The following ITPRIPL2 variants were observed in gnomAD, a reference collection of about 807,000 sequenced individuals.
ITPRIPL2 encodes the protein ITPRIP like 2, also known as inositol 1,4,5-trisphosphate receptor-interacting protein-like 2.
A neutral mutation model predicts 31.7 loss-of-function variants in ITPRIPL2; 29 were observed. The observed-to-expected ratio is 0.91, with a 90% confidence interval of 0.68 to 1.25. The LOEUF is 1.25. ITPRIPL2 is among the 50% of genes most tolerant of loss of function. The probability of loss-of-function intolerance (pLI) is 0.00; values close to 1 mark genes in which losing one functional copy is unlikely to be tolerated. For missense variants in ITPRIPL2, 696 were observed against 739.1 expected (o/e 0.94, Z 0.68); for synonymous variants, 344 against 343.4 (o/e 1.00, Z -0.02).
In ITPRIPL2 at chr16:19,115,608, CGCG is replaced by C. The variant is rs1432332984; in HGVS notation, c.1148_1150del (p.Arg383_Asp384delinsHis). 1.2e-6 allele frequency: 2 copies of C among 1,607,672 alleles called. No homozygotes were observed. Among genetic ancestry groups the C allele is most frequent in the Non-Finnish European group, 1.7e-6 (2 of 1,178,994 alleles). On this transcript the variant is annotated inframe_deletion, in exon 1 of 1. Transcript: ENST00000381440. Reference sequence around the variant, plus strand: ...GTGCCTGCAGTTGCTTAAGGCTCTGCGCGATCTGGGGGCCCGTGGGCTGGACTC... The same window carrying C: ...GTGCCTGCAGTTGCTTAAGGCTCTGCATCTGGGGGCCCGTGGGCTGGACTC...
At position 19,114,772 on chromosome 16, in the gene ITPRIPL2, A is replaced by C; in HGVS notation, c.311A>C (p.Tyr104Ser). 6.2e-7 allele frequency: 1 copy of C among 1,612,384 alleles called. No individual in the cohort carries two copies. The highest frequency in any genetic ancestry group is 1.1e-5 in the South Asian group (1 of 91,026). Residue 104 changes from tyrosine (Y) to serine (S), a missense_variant, in exon 1 of 1, where the codon TAC becomes TCC. Tyr to Ser is a moderately radical substitution (Grantham distance 144, BLOSUM62 -2). Transcript: ENST00000381440. ...GGCCTCAGCATCCTGCTGGAGAGTT[A>C]CTACGAGCATGAGGTGCGCCTGTCT... ...EPGLSILLESYYEHEVRLSPH... is the reference protein window; with the variant it reads ...EPGLSILLESSYEHEVRLSPH...
rs1963444165 is a variant in ITPRIPL2 at position 19,116,286 on chromosome 16, A to G, written c.*217A>G. On this transcript the variant is annotated 3_prime_UTR_variant, in exon 1 of 1. Coordinates refer to ENST00000381440, the MANE Select transcript of ITPRIPL2 (RefSeq NM_001034841.4). The stretch of plus-strand genomic sequence containing the variant: ...CCCACTAGAGTGTCCTGGGCAAACC[A>G]TGGGAAGACATCCAACAGGAGACCC... The G allele has an allele frequency of 2.0e-6, 1 of 511,770 alleles. No homozygotes were observed. Among genetic ancestry groups the G allele is most frequent in the Non-Finnish European group, 3.5e-6 (1 of 284,332 alleles). 31.7% of individuals were successfully genotyped at this position (511,770 alleles called of 1,614,324 possible). A position where few individuals can be genotyped will look rare whatever the true frequency, so the allele number is the denominator to read the frequency against.
rs781314842 is a variant in ITPRIPL2, at chr16:19,115,022, G to T, written c.561G>T (p.Ala187=). The part of the protein sequence containing the change: ...LVPLRLPPLV[A]LEPRSLGEEP... ...CACTGCGCCTCCCGCCGCTTGTGGCGCTGGAGCCACGGAGCCTGGGCGAGG... is the reference window on the plus strand; with the variant it reads ...CACTGCGCCTCCCGCCGCTTGTGGCTCTGGAGCCACGGAGCCTGGGCGAGG... Residue 187 remains alanine (A), a synonymous_variant, in exon 1 of 1, where the codon GCG becomes GCT. Transcript: ENST00000381440. The T allele has an allele frequency of 2.5e-6, 4 of 1,598,350 alleles. No individual in the cohort carries two copies. In the South Asian group the frequency reaches 3.3e-5, roughly 13 times the overall value.
rs1329129905 is a variant in ITPRIPL2, at chr16:19,120,619, ATATATATTTTTT to A, written c.*4552_*4563del. On this transcript the variant is annotated 3_prime_UTR_variant, in exon 1 of 1. Transcript: ENST00000381440. ...GCCTGGCTAATATATATATATATAT[ATATATATTTTTT>A]TTTTTTTTTTTTAGTAGAGATGGGG... 2.5e-4 allele frequency: 29 copies of A among 115,526 alleles called. No homozygotes were observed. Among genetic ancestry groups the A allele is most frequent in the African/African-American group, 1.1e-3 (28 of 24,692 alleles). 7.2% of individuals were successfully genotyped at this position (115,526 alleles called of 1,614,324 possible).
In ITPRIPL2 at chr16:19,114,736, T is replaced by C. The variant is rs1394301982; in HGVS notation, c.275T>C (p.Phe92Ser). 2 of 1,612,740 alleles carry C rather than the reference T, an allele frequency of 1.2e-6. No individual in the cohort carries two copies. Among genetic ancestry groups the C allele is most frequent in the Non-Finnish European group, 1.7e-6 (2 of 1,179,890 alleles). The change falls in exon 1 of 1, where the codon TTC becomes TCC. Residue 92 changes from phenylalanine to serine, a missense_variant. Physicochemically the swap from Phe to Ser is radical, Grantham distance 155. Coordinates refer to ENST00000381440, the MANE Select transcript of ITPRIPL2 (RefSeq NM_001034841.4). ...EGHAAFSSRHFREPGLSILLE... is the reference protein window; with the variant it reads ...EGHAAFSSRHSREPGLSILLE... Reference sequence around the variant, plus strand: ...CACGCCGCCTTCTCCTCGAGACACTTCCGAGAGCCGGGCCTCAGCATCCTG... The same window carrying C: ...CACGCCGCCTTCTCCTCGAGACACTCCCGAGAGCCGGGCCTCAGCATCCTG...
At position 19,116,316 on chromosome 16, in the gene ITPRIPL2, A is replaced by G. The variant is rs1204520754; in HGVS notation, c.*247A>G. 1.5e-5 allele frequency: 7 copies of G among 481,572 alleles called. No individual in the cohort carries two copies. Among genetic ancestry groups the G allele is most frequent in the Non-Finnish European group, 2.6e-5 (7 of 265,632 alleles). The allele number at this position is 481,572 out of a possible 1,614,324, so 29.8% of individuals were successfully genotyped here. A position where few individuals can be genotyped will look rare whatever the true frequency, so the allele number is the denominator to read the frequency against. ...AAGACATCCAACAGGAGACCCAAGAATTGGTTCAAATATTGTTCTGTGTAG... is the reference window on the plus strand; with the variant it reads ...AAGACATCCAACAGGAGACCCAAGAGTTGGTTCAAATATTGTTCTGTGTAG... On this transcript the variant is annotated 3_prime_UTR_variant, in exon 1 of 1. Transcript: ENST00000381440.
Position 19,115,577 on chromosome 16 carries a change from C to A in ITPRIPL2, c.1116C>A (p.Tyr372Ter). The A allele has an allele frequency of 6.2e-7, 1 of 1,604,722 alleles. No homozygotes were observed. Among genetic ancestry groups the A allele is most frequent in the Non-Finnish European group, 8.5e-7 (1 of 1,178,786 alleles). ...LQERAAPGAC[Y>*]LKCLQLLKAL... ...AACGGGCAGCTCCAGGTGCCTGCTA[C>A]CTCAAGTGCCTGCAGTTGCTTAAGG... is the stretch of plus-strand genomic sequence containing the variant. The change falls in exon 1 of 1, where the codon TAC (tyrosine) becomes TAA (stop). Residue 372 changes from tyrosine (Y) to a stop codon, truncating the protein, a stop_gained. Transcript: ENST00000381440. LOFTEE classifies it high-confidence loss of function.
Position 19,115,645 on chromosome 16 carries a change from C to G in ITPRIPL2, c.1184C>G (p.Ala395Gly). 2 of 1,610,612 alleles carry G rather than the reference C, an allele frequency of 1.2e-6. No homozygotes were observed. The highest frequency in any genetic ancestry group is 2.2e-5 in the South Asian group (2 of 90,956). The change falls in exon 1 of 1, where the codon GCC becomes GGC. Residue 395 changes from alanine to glycine, a missense_variant. Transcript: ENST00000381440. ...GCCCGTGGGCTGGACTCAGCGGCCG[C>G]CACCCAGTGGGGACGCATCCTATCC... Reference protein sequence around the residue: ...LGARGLDSAAATQWGRILSSY... With the variant: ...LGARGLDSAAGTQWGRILSSY...
Position 19,114,370 on chromosome 16 carries a change from G to T in ITPRIPL2, c.-92G>T, listed in dbSNP as rs1963401565. On this transcript the variant is annotated 5_prime_UTR_variant, in exon 1 of 1. Coordinates refer to ENST00000381440, the MANE Select transcript of ITPRIPL2 (RefSeq NM_001034841.4). ...GCGGAGGAGGAGACGGGGACAGCGG[G>T]GCTGCCCGGGCGCTGTGCGCATGCT... 2.9e-6 allele frequency: 3 copies of T among 1,027,218 alleles called. No individual in the cohort carries two copies. The highest frequency in any genetic ancestry group is 3.8e-6 in the Non-Finnish European group (3 of 794,766). The allele number at this position is 1,027,218 out of a possible 1,614,324, so 63.6% of individuals were successfully genotyped here.
At position 19,119,565 on chromosome 16, in the gene ITPRIPL2, A is replaced by G. The variant is rs1963487550; in HGVS notation, c.*3496A>G. On this transcript the variant is annotated 3_prime_UTR_variant, in exon 1 of 1. Coordinates refer to ENST00000381440, the MANE Select transcript of ITPRIPL2 (RefSeq NM_001034841.4). ...ACCATGTGGGCCAAACATTTGTTTG[A>G]GCCTGGGGGCCACCAGTTTGCGACC... 1 of 167,178 alleles carries G rather than the reference A, an allele frequency of 6.0e-6. No individual in the cohort carries two copies. Among genetic ancestry groups the G allele is most frequent in the Non-Finnish European group, 1.5e-5 (1 of 68,234 alleles). 10.4% of individuals were successfully genotyped at this position (167,178 alleles called of 1,614,324 possible).
At position 19,114,627 on chromosome 16, in the gene ITPRIPL2, C is replaced by G; in HGVS notation, c.166C>G (p.Leu56Val). ...GGFPLLKVAV[L>V]LLLSYVLLRC... ...CTTCCCGTTGCTTAAGGTGGCCGTC[C>G]TGCTCCTCCTCAGCTATGTCCTCCT... is the stretch of plus-strand genomic sequence containing the variant. Residue 56 changes from leucine to valine, a missense_variant, in exon 1 of 1, where the codon CTG becomes GTG. By Grantham distance (32) the Leu-to-Val change is conservative. Transcript: ENST00000381440. 6.3e-7 allele frequency: 1 copy of G among 1,595,670 alleles called. No individual in the cohort carries two copies.
chr16:19,119,406 T>G lies in ITPRIPL2; in HGVS notation c.*3337T>G. On this transcript the variant is annotated 3_prime_UTR_variant, in exon 1 of 1. Transcript: ENST00000381440. ...GGGGTGGGAGGTGGGGGGGAAGCTG[T>G]GCCCACCTTTAAAGAGGGGGCCATT... 2 of 218,510 alleles carry G rather than the reference T, an allele frequency of 9.2e-6. No individual in the cohort carries two copies. Among genetic ancestry groups the G allele is most frequent in the Non-Finnish European group, 9.7e-6 (1 of 103,204 alleles). 13.5% of individuals were successfully genotyped at this position (218,510 alleles called of 1,614,324 possible). A position where few individuals can be genotyped will look rare whatever the true frequency, so the allele number is the denominator to read the frequency against.
chr16:19,116,084 C>G lies in ITPRIPL2; in HGVS notation c.*15C>G, dbSNP rs1334422759. On this transcript the variant is annotated 3_prime_UTR_variant, in exon 1 of 1. Coordinates refer to ENST00000381440, the MANE Select transcript of ITPRIPL2 (RefSeq NM_001034841.4). ...GTGAACCGTAAACCCTGACAGCACC[C>G]CCACCTGACCAAATGCTCCTAAAGC... 2 of 1,547,844 alleles carry G rather than the reference C, an allele frequency of 1.3e-6. No homozygotes were observed. Among genetic ancestry groups the G allele is most frequent in the Non-Finnish European group, 1.7e-6 (2 of 1,144,750 alleles).
At position 19,118,576 on chromosome 16, in the gene ITPRIPL2, TC is replaced by T. The variant is rs1471122572; in HGVS notation, c.*2508del. On this transcript the variant is annotated 3_prime_UTR_variant, in exon 1 of 1. Transcript: ENST00000381440. ...AAGTATAAATCTGGTAACATACTGT[TC>T]TTGTAGTTTTTTGTTAGTTTTGTTT... The T allele has an allele frequency of 1.8e-5, 3 of 170,450 alleles. No homozygotes were observed. Among genetic ancestry groups the T allele is most frequent in the African/African-American group, 7.2e-5 (3 of 41,640 alleles). 10.6% of individuals were successfully genotyped at this position (170,450 alleles called of 1,614,324 possible).
chr16:19,121,248 T>C lies in ITPRIPL2; in HGVS notation c.*5179T>C, dbSNP rs1963517347. ...TTGAAGTATCTACTATTCTGGAATA[T>C]TGTTAAACAACTTTTTGCTTTTGAA... On this transcript the variant is annotated 3_prime_UTR_variant, in exon 1 of 1. Transcript: ENST00000381440. 1 of 167,076 alleles carries C rather than the reference T, an allele frequency of 6.0e-6. No individual in the cohort carries two copies. Among genetic ancestry groups the C allele is most frequent in the African/African-American group, 2.4e-5 (1 of 41,436 alleles). 10.3% of individuals were successfully genotyped at this position (167,076 alleles called of 1,614,324 possible).
In ITPRIPL2 at chr16:19,118,949, G is replaced by GTACT. The variant is rs1262352235; in HGVS notation, c.*2881_*2884dup. 1 of 413,298 alleles carries GTACT rather than the reference G, an allele frequency of 2.4e-6. No homozygotes were observed. Among genetic ancestry groups the GTACT allele is most frequent in the Non-Finnish European group, 4.4e-6 (1 of 226,134 alleles). 25.6% of individuals were successfully genotyped at this position (413,298 alleles called of 1,614,324 possible). ...TGTACACATTTTTGGTGTATGCTTG[G>GTACT]TACTGGAGATTCATATATGCAAATA... is the stretch of plus-strand genomic sequence containing the variant. On this transcript the variant is annotated 3_prime_UTR_variant, in exon 1 of 1. Transcript: ENST00000381440.
rs920941719 is a variant in ITPRIPL2, at chr16:19,121,450, G to T, written c.*5381G>T. The T allele has an allele frequency of 6.0e-6, 1 of 167,018 alleles. No individual in the cohort carries two copies. The highest frequency in any genetic ancestry group is 1.5e-5 in the Non-Finnish European group (1 of 68,100). The allele number at this position is 167,018 out of a possible 1,614,324, so 10.3% of individuals were successfully genotyped here. On this transcript the variant is annotated 3_prime_UTR_variant, in exon 1 of 1. Transcript: ENST00000381440. ...AGAGTTAATCAGATATGGTTCAGCT[G>T]CTACAATTGTATGATTCAAAGGCAA... is the stretch of plus-strand genomic sequence containing the variant.
chr16:19,114,643 A>C lies in ITPRIPL2; in HGVS notation c.182A>C (p.Tyr61Ser), dbSNP rs778862996. Residue 61 changes from tyrosine to serine, a missense_variant, in exon 1 of 1, where the codon TAT becomes TCT. Transcript: ENST00000381440. ...LKVAVLLLLS[Y>S]VLLRCRHAVR... ...GTGGCCGTCCTGCTCCTCCTCAGCT[A>C]TGTCCTCCTGCGCTGTCGCCACGCT... is the stretch of plus-strand genomic sequence containing the variant. The C allele has an allele frequency of 4.4e-6, 7 of 1,605,246 alleles. No individual in the cohort carries two copies. The highest frequency in any genetic ancestry group is 5.9e-6 in the Non-Finnish European group (7 of 1,176,630).
Position 19,114,629 on chromosome 16 carries a change from G to T in ITPRIPL2, c.168G>T (p.Leu56=), listed in dbSNP as rs767657888. 4.4e-6 allele frequency: 7 copies of T among 1,596,846 alleles called. No individual in the cohort carries two copies. The East Asian group carries it at 9.0e-5, about 20-fold the overall frequency. The change falls in exon 1 of 1, where the codon CTG becomes CTT. Residue 56 remains leucine, a synonymous_variant. Transcript: ENST00000381440. ...TCCCGTTGCTTAAGGTGGCCGTCCT[G>T]CTCCTCCTCAGCTATGTCCTCCTGC... The part of the protein sequence containing the change: ...GGFPLLKVAV[L]LLLSYVLLRC...
Sources: allele counts gnomAD v4.1 joint callset, GRCh38; gene constraint gnomAD v4.1.1; transcripts MANE v1.5; gene names NCBI Gene and HGNC (gene_info 2026-07-23, HGNC 2026-07-21).